SLC6A18: variants seen among roughly 807,000 people sequenced by gnomAD.
SLC6A18 encodes inactive sodium-dependent neutral amino acid transporter B(0)AT3.
In SLC6A18, 58 loss-of-function variants were observed where a neutral mutation model predicts 62.9. The ratio of observed to expected loss-of-function variants is 0.92; its 90% CI spans 0.75 to 1.15. The LOEUF (loss-of-function observed/expected upper bound fraction) is 1.15. Among genes scored for constraint, SLC6A18 ranks in the 50% most tolerant of loss-of-function variants. The pLI is 0.00. For synonymous variants in SLC6A18, 382 were observed against 365.8 expected, an observed-to-expected ratio of 1.04 and a Z score of -0.51; for missense variants, 793 against 836.6, an observed-to-expected ratio of 0.95 and a Z score of 0.64.
At chr5:1,234,785 TAGA>T (rs1286069886) in intron 3 of SLC6A18, among the ~76,000 whole-genome samples, 2 of 152,192 alleles carry the variant, frequency 1.3e-5, no homozygotes, top group African/African-American at 4.8e-5. Context: ...GGCAGGGCCT[TAGA>T]AGGAGACCTA....
In SLC6A18 at chr5:1,243,741, C is replaced by T. The variant is rs371070285; in HGVS notation, c.1318C>T (p.Pro440Ser). 3.5e-5 allele frequency: 57 copies of T among 1,607,776 alleles called. No individual in the cohort carries two copies. The highest frequency in any genetic ancestry group is 4.8e-5 in the Non-Finnish European group (56 of 1,176,488). The change falls in exon 9 of 12, where the codon CCC becomes TCC. Residue 440 changes from proline to serine, a missense_variant. Pro to Ser is a moderately conservative substitution (Grantham distance 74). Coordinates refer to ENST00000324642, the MANE Select transcript of SLC6A18 (RefSeq NM_182632.3). The surrounding 1 kb of genome is among the most constrained non-coding windows in gnomAD (Gnocchi z 6.5). ...CGTGGGGGTCCTGCCTAGATGGGTC[C>T]CCAAGGAGGCCCTGACTGGTGAGCG... ...LDVGVLPRWV[P>S]KEALTGLVCL... is the part of the protein sequence containing the mutation.
Position 1,239,573 on chromosome 5 carries a change from G to T in SLC6A18, c.845+11G>T, listed in dbSNP as rs377543257. 13 of 1,602,086 alleles carry T rather than the reference G, an allele frequency of 8.1e-6. No individual in the cohort carries two copies. Among genetic ancestry groups the T allele is most frequent in the Non-Finnish European group, 1.1e-5 (13 of 1,169,292 alleles). ...TTACAACTCGCCCAGGTAGGCAGTC[G>T]GGCTCAGCTGTCCAGCCAGGGAAGC... is the stretch of plus-strand genomic sequence containing the variant. On this transcript the variant is annotated intron_variant, in intron 6 of 11. Coordinates refer to ENST00000324642, the MANE Select transcript of SLC6A18 (RefSeq NM_182632.3).
chr5:1,239,379 C>A, intron 5 of SLC6A18, 71 bp from the exon 6 acceptor site: 2 of 1,195,112 alleles, frequency 1.7e-6, no homozygotes, highest in South Asian at 1.3e-5. Flanking sequence ...TGGGAACGTT[C>A]TGGAACAGTC....
intron 4 of SLC6A18, among the ~76,000 whole-genome samples, chr5:1,237,084 A>T (rs923622075): frequency 1.6e-4 from 25 of 151,830 alleles, no homozygotes; most frequent in Non-Finnish European, 2.2e-4. Context: ...AAATAAAAAA[A>T]AAAAAAAATT....
chr5:1,240,008 GTATTTC>G (rs1206426862), intron 6 of SLC6A18, among the ~76,000 whole-genome samples: 1 of 152,256 alleles, frequency 6.6e-6, no homozygotes, highest in Non-Finnish European at 1.5e-5. Context: ...GTGGCTGCCA[GTATTTC>G]TGCCCCCTTC....
intron 3 of SLC6A18, 136 bp downstream of exon 3, chr5:1,233,024 T>C: frequency 2.3e-6 from 3 of 1,298,178 alleles, no homozygotes; most frequent in Non-Finnish European, 3.1e-6. Context: ...GGTTGCTCTG[T>C]GTGCACATGC....
intron 1 of SLC6A18, among the ~76,000 whole-genome samples, chr5:1,228,328 C>T (rs1008627435): frequency 7.9e-5 from 12 of 152,180 alleles, no homozygotes; most frequent in Admixed American, 7.8e-4. Context: ...CACCATCTGC[C>T]GTCTGCACCC....
intron 3 of SLC6A18, among the ~76,000 whole-genome samples, chr5:1,233,942 C>T (rs933302159): frequency 6.6e-5 from 10 of 152,066 alleles, no homozygotes; most frequent in East Asian, 5.8e-4. Flanking sequence ...GGGGTTTCAC[C>T]ATGTTAGCCA....
chr5:1,232,499 C>A (rs1579526972), intron 2 of SLC6A18, 140 bp downstream of exon 2: 2 of 1,237,446 alleles, frequency 1.6e-6, no homozygotes, highest in East Asian at 5.1e-5. Context: ...GCAGGGAGCC[C>A]TTGGGTGTGT....
chr5:1,245,197 G>A (rs1747187504), intron 11 of SLC6A18, among the ~76,000 whole-genome samples: 1 of 152,180 alleles, frequency 6.6e-6, no homozygotes, highest in African/African-American at 2.4e-5. Flanking sequence ...GACCCCTACT[G>A]CCACCCAGTG....
chr5:1,244,809 T>G, intron 11 of SLC6A18, 42 bp downstream of exon 11: 1 of 1,562,818 alleles, frequency 6.4e-7, no homozygotes, highest in Admixed American at 1.8e-5. Flanking sequence ...CTGGGACCCC[T>G]CGGGCTTGGT....
intron 7 of SLC6A18, 116 bp downstream of exon 7, chr5:1,240,775 G>C (rs1306686323): frequency 7.0e-7 from 1 of 1,420,920 alleles, no homozygotes; most frequent in Admixed American, 2.1e-5. Flanking sequence ...ATTTCTGTAG[G>C]GGTGTGGAGT....
chr5:1,235,673 G>T lies in SLC6A18; in HGVS notation c.621+11G>T. 6.2e-7 allele frequency: 1 copy of T among 1,613,628 alleles called. No homozygotes were observed. Among genetic ancestry groups the T allele is most frequent in the Non-Finnish European group, 8.5e-7 (1 of 1,179,862 alleles). On this transcript the variant is annotated intron_variant, in intron 4 of 11. Transcript: ENST00000324642. Reference sequence around the variant, plus strand: ...GAGACTACAGGGAAGGTGAGAGCTGGCAGGGCCTGATCCCCTCTCTTGCTT... The same window carrying T: ...GAGACTACAGGGAAGGTGAGAGCTGTCAGGGCCTGATCCCCTCTCTTGCTT...
At chr5:1,228,515 T>C (rs1746640378) in intron 1 of SLC6A18, among the ~76,000 whole-genome samples, 1 of 152,186 alleles carries the variant, frequency 6.6e-6, no homozygotes. Flanking sequence ...TCTCTCAGCC[T>C]CGTGTGGTGG....
intron 3 of SLC6A18, among the ~76,000 whole-genome samples, chr5:1,233,863 T>C (rs546907374): frequency 0.018 from 2,689 of 151,958 alleles, 34 homozygotes; most frequent in South Asian, 0.03. Context: ...TGCCTCAGCC[T>C]CCCAAATAGC....
chr5:1,235,650 G>T lies in SLC6A18; in HGVS notation c.609G>T (p.Glu203Asp). The T allele has an allele frequency of 6.2e-7, 1 of 1,613,828 alleles. No individual in the cohort carries two copies. The highest frequency in any genetic ancestry group is 1.1e-5 in the South Asian group (1 of 91,036). Residue 203 changes from glutamate (E) to aspartate (D), a missense_variant, in exon 4 of 12, where the codon GAG (glutamate) becomes GAT (aspartate). Coordinates refer to ENST00000324642, the MANE Select transcript of SLC6A18 (RefSeq NM_182632.3). ...VVYMCVIRGI[E>D]TTGKVIYFTA... ...ACATGTGTGTCATCAGGGGCATTGA[G>T]ACTACAGGGAAGGTGAGAGCTGGCA...
chr5:1,246,092 G>C lies in SLC6A18; in HGVS notation c.*14G>C. The C allele has an allele frequency of 2.6e-6, 4 of 1,552,780 alleles. No homozygotes were observed. The highest frequency in any genetic ancestry group is 3.5e-6 in the Non-Finnish European group (4 of 1,155,212). On this transcript the variant is annotated 3_prime_UTR_variant, in exon 12 of 12. Transcript: ENST00000324642. ...GACATGCGCTGAAGCCGGCCGGAGC[G>C]GGGCCTGCATGGGCGGGTCTGTGGG...
chr5:1,231,565 G>A (rs534465399), intron 1 of SLC6A18, among the ~76,000 whole-genome samples: 44 of 152,312 alleles, frequency 2.9e-4, no homozygotes, highest in Non-Finnish European at 6.0e-4. Flanking sequence ...GGTCCCTGGG[G>A]GAACAGAGCA....
chr5:1,240,474 T>C, intron 6 of SLC6A18, 57 bp from the exon 7 acceptor site: 2 of 1,605,076 alleles, frequency 1.2e-6, no homozygotes, highest in South Asian at 1.1e-5. Flanking sequence ...CTTCCTCCCC[T>C]GGATGAGGCC....
Sources: gnomAD v4.1 joint callset for allele counts (sites outside exome capture counted in the v4.1 genomes callset) on GRCh38, gnomAD v4.1.1 for gene constraint, Gnocchi (gnomAD v3.1) non-coding constraint, MANE v1.5 for transcripts, NCBI Gene and HGNC (gene_info 2026-07-23, HGNC 2026-07-21) for gene names.